DTNA: variants seen among roughly 807,000 people sequenced by gnomAD.
DTNA encodes dystrophin-related protein 3.
DTNA carries 43 observed loss-of-function variants against 100.7 expected under a neutral mutation model. The observed-to-expected ratio is 0.43, with a 90% CI of 0.33 to 0.55. DTNA has a LOEUF of 0.55. Among genes scored for constraint, DTNA ranks in the 20% least tolerant of loss-of-function variants. The pLI is 0.04. For synonymous variants in DTNA, 349 were observed against 347.9 expected (o/e 1.00, Z -0.04); for missense variants, 798 against 953.9 (o/e 0.84, Z 2.15).
At chr18:34,545,253 T>C (rs2044654325) in intron 1 of DTNA, among the ~76,000 whole-genome samples, 2 of 152,068 alleles carry the variant, frequency 1.3e-5, no homozygotes, top group African/African-American at 4.8e-5. Flanking sequence ...GGCTAGCCAA[T>C]GGACACTGGA....
At chr18:34,571,280 G>T (rs2047560275) in intron 1 of DTNA, among the ~76,000 whole-genome samples, 1 of 152,178 alleles carries the variant, frequency 6.6e-6, no homozygotes, top group Non-Finnish European at 1.5e-5. Flanking sequence ...TTAACTTTAA[G>T]TCTCATCAGT....
chr18:34,528,259 A>C (rs1363266051), intron 1 of DTNA, among the ~76,000 whole-genome samples: 2 of 152,092 alleles, frequency 1.3e-5, no homozygotes, highest in Non-Finnish European at 2.9e-5. Flanking sequence ...TAATTGTTAA[A>C]GTTACTTGGA....
At chr18:34,731,348 G>A (rs1440036521) in intron 1 of DTNA, among the ~76,000 whole-genome samples, 5 of 151,868 alleles carry the variant, frequency 3.3e-5, no homozygotes, top group Non-Finnish European at 5.9e-5. Flanking sequence ...GCGCGGTGGC[G>A]GGCGCCTGTA....
intron 1 of DTNA, among the ~76,000 whole-genome samples, chr18:34,693,825 G>A (rs1480057285): frequency 6.6e-6 from 1 of 151,066 alleles, no homozygotes; most frequent in African/African-American, 2.4e-5. Context: ...CCTTTAATGG[G>A]AATATTAAAA....
chr18:34,530,090 A>T (rs1302507384), intron 1 of DTNA, among the ~76,000 whole-genome samples: 1 of 152,074 alleles, frequency 6.6e-6, no homozygotes. Flanking sequence ...TTGAGAAAAC[A>T]CTTGGTGGTG....
chr18:34,781,488 T>C (rs754847580), intron 3 of DTNA, among the ~76,000 whole-genome samples: 1 of 152,172 alleles, frequency 6.6e-6, no homozygotes, highest in African/African-American at 2.4e-5. Flanking sequence ...ACTTATCCCA[T>C]TGGCCTTAAA....
intron 9 of DTNA, chr18:34,825,165 T>G: frequency 3.4e-6 from 5 of 1,478,698 alleles, no homozygotes; most frequent in South Asian, 1.1e-5. Flanking sequence ...GAGCAGGTGG[T>G]GACATTTTGG....
intron 1 of DTNA, among the ~76,000 whole-genome samples, chr18:34,672,018 C>T (rs2076825983): frequency 6.6e-6 from 1 of 152,142 alleles, no homozygotes. Flanking sequence ...TTTACTTAAC[C>T]TGCAAAATTC....
chr18:34,716,005 A>G (rs1408532156), intron 1 of DTNA, among the ~76,000 whole-genome samples: 1 of 152,108 alleles, frequency 6.6e-6, no homozygotes, highest in Non-Finnish European at 1.5e-5. Context: ...GAAAATGGGA[A>G]CACATATACA....
intron 13 of DTNA, among the ~76,000 whole-genome samples, chr18:34,844,953 AATAATGG>A (rs1465789414): frequency 6.6e-6 from 1 of 152,132 alleles, no homozygotes; most frequent in East Asian, 1.9e-4. Context: ...GGGCTTTCAA[AATAATGG>A]ATTTTCCTGC....
At chr18:34,582,844 G>A (rs773828659) in intron 1 of DTNA, among the ~76,000 whole-genome samples, 76 of 152,138 alleles carry the variant, frequency 5.0e-4, no homozygotes, top group Non-Finnish European at 8.2e-4. Context: ...AATGATTCAA[G>A]AGAAACCTTA....
At chr18:34,805,620 C>T (rs1255246718) in intron 4 of DTNA, among the ~76,000 whole-genome samples, 2 of 152,098 alleles carry the variant, frequency 1.3e-5, no homozygotes, top group South Asian at 2.1e-4. Context: ...CCACCGTGCT[C>T]GGCCAGAGCT....
At chr18:34,752,978 C>A (rs1325149390) in intron 1 of DTNA, among the ~76,000 whole-genome samples, 1 of 152,242 alleles carries the variant, frequency 6.6e-6, no homozygotes, top group Non-Finnish European at 1.5e-5. Context: ...TTGAATTTCA[C>A]ACTTCTGTAA....
chr18:34,655,433 G>A (rs1437261806), intron 1 of DTNA, among the ~76,000 whole-genome samples: 1 of 152,130 alleles, frequency 6.6e-6, no homozygotes, highest in African/African-American at 2.4e-5. Flanking sequence ...ATCTGGTAAA[G>A]GAAATGGTGG....
chr18:34,810,331 A>T (rs144174504), intron 5 of DTNA, among the ~76,000 whole-genome samples: 11 of 151,900 alleles, frequency 7.2e-5, no homozygotes, highest in Middle Eastern at 3.4e-3. Flanking sequence ...CACAACCTAA[A>T]CTCCTCAGTA....
intron 1 of DTNA, among the ~76,000 whole-genome samples, chr18:34,552,850 G>C (rs2045593339): frequency 1.4e-5 from 2 of 144,570 alleles, no homozygotes; most frequent in Non-Finnish European, 3.0e-5. Context: ...GTGTGCATGT[G>C]TCTTTATAGC....
chr18:34,568,658 C>T (rs912009609), intron 1 of DTNA, among the ~76,000 whole-genome samples: 3 of 152,112 alleles, frequency 2.0e-5, no homozygotes, highest in Non-Finnish European at 4.4e-5. Flanking sequence ...GAGTTTCTCT[C>T]TGTCACCCAA....
At chr18:34,749,653 A>G (rs2092103105) in intron 1 of DTNA, among the ~76,000 whole-genome samples, 1 of 23,936 alleles carries the variant, frequency 4.2e-5, no homozygotes, top group Non-Finnish European at 9.7e-5. Context: ...AAATAATAAT[A>G]ATAATAATAA....
At chr18:34,498,664 A>G (rs865806984) in intron 1 of DTNA, among the ~76,000 whole-genome samples, 13 of 152,142 alleles carry the variant, frequency 8.5e-5, no homozygotes, top group African/African-American at 2.4e-4. Context: ...AACAGTGCCA[A>G]TACCTGCCCA....
Sources: allele counts gnomAD v4.1 joint callset (sites outside exome capture counted in the v4.1 genomes callset), GRCh38; gene constraint gnomAD v4.1.1; transcripts MANE v1.5; gene names NCBI Gene and HGNC (gene_info 2026-07-23, HGNC 2026-07-21).